RAI14: variants seen among roughly 807,000 people sequenced by gnomAD.
RAI14 encodes retinoic acid induced 14.
A neutral mutation model predicts 115.4 loss-of-function variants in RAI14; 45 were observed. That is an observed-to-expected ratio of 0.39 (90% CI 0.31 to 0.50). The LOEUF is 0.50. RAI14 is among the 20% of genes least tolerant of loss of function. The pLI is 0.85. For missense variants in RAI14, 939 were observed against 1,131.2 expected, an observed-to-expected ratio of 0.83 and a Z score of 2.44; for synonymous variants, 371 against 415.4, an observed-to-expected ratio of 0.89 and a Z score of 1.30.
intron 2 of RAI14, among the ~76,000 whole-genome samples, chr5:34,723,619 C>T (rs976847031): frequency 1.3e-5 from 2 of 152,094 alleles, no homozygotes; most frequent in East Asian, 1.9e-4. Flanking sequence ...CATTAACCGT[C>T]GCATAGTGGA....
At chr5:34,705,333 G>C (rs1156586133) in intron 2 of RAI14, among the ~76,000 whole-genome samples, 1 of 151,820 alleles carries the variant, frequency 6.6e-6, no homozygotes, top group Non-Finnish European at 1.5e-5. Context: ...CCCAATAAGA[G>C]TTTTCATGGT....
intron 2 of RAI14, among the ~76,000 whole-genome samples, chr5:34,692,720 C>A (rs956221110): frequency 6.6e-6 from 1 of 151,856 alleles, no homozygotes; most frequent in Non-Finnish European, 1.5e-5. Context: ...AAATTTGTGC[C>A]GTGCTACGTG....
At chr5:34,751,454 C>T (rs1389119016) in intron 2 of RAI14, among the ~76,000 whole-genome samples, 1 of 152,144 alleles carries the variant, frequency 6.6e-6, no homozygotes, top group Admixed American at 6.5e-5. Flanking sequence ...ATAATTTTAT[C>T]ATCTGTATAT....
At chr5:34,778,158 T>A (rs1425581816) in intron 3 of RAI14, among the ~76,000 whole-genome samples, 3 of 152,248 alleles carry the variant, frequency 2.0e-5, no homozygotes, top group African/African-American at 4.8e-5. Flanking sequence ...TTTAAACATA[T>A]TTTTAAAAGG....
At chr5:34,782,984 A>G (rs1751848604) in intron 3 of RAI14, among the ~76,000 whole-genome samples, 1 of 152,204 alleles carries the variant, frequency 6.6e-6, no homozygotes, top group Admixed American at 6.5e-5. Flanking sequence ...TTTTGAGGGT[A>G]GTATGCCTCA....
At chr5:34,657,459 G>C (rs987330598) in intron 1 of RAI14, among the ~76,000 whole-genome samples, 2 of 152,192 alleles carry the variant, frequency 1.3e-5, no homozygotes, top group South Asian at 4.1e-4. Context: ...GTGGCCTCAC[G>C]GGGGCCTGAG....
rs1161948578 is a variant in RAI14, at chr5:34,773,595, A to G, written c.167+15997A>G. Among the ~76,000 whole-genome samples, 7 of 152,326 alleles carry G rather than the reference A, an allele frequency of 4.6e-5. No individual in the cohort carries two copies. In the East Asian group the frequency reaches 1.2e-3, roughly 25 times the overall value. The stretch of plus-strand genomic sequence containing the variant: ...AATCCCATTAAAAAGTGGGCTAAGG[A>G]CATGAATAGATATTTCTCAAAAAAA... On this transcript the variant is annotated intron_variant, in intron 3 of 17. Transcript: ENST00000265109.
intron 3 of RAI14, among the ~76,000 whole-genome samples, chr5:34,778,581 A>C (rs1462552220): frequency 6.6e-6 from 1 of 151,902 alleles, no homozygotes; most frequent in Non-Finnish European, 1.5e-5. Flanking sequence ...ATGTTTTTAT[A>C]CTCTTCGCAT....
At chr5:34,776,139 G>C (rs1750807644) in intron 3 of RAI14, among the ~76,000 whole-genome samples, 1 of 152,122 alleles carries the variant, frequency 6.6e-6, no homozygotes, top group Non-Finnish European at 1.5e-5. Context: ...TGGAACTGGA[G>C]GTCATTATGT....
intron 2 of RAI14, among the ~76,000 whole-genome samples, chr5:34,735,462 T>C (rs1314709347): frequency 6.6e-6 from 1 of 152,242 alleles, no homozygotes; most frequent in Non-Finnish European, 1.5e-5. Flanking sequence ...TTAAAGTCTC[T>C]GTACGTAAAA....
chr5:34,764,138 ACT>A (rs1283314885), intron 3 of RAI14, among the ~76,000 whole-genome samples: 1 of 152,216 alleles, frequency 6.6e-6, no homozygotes, highest in Non-Finnish European at 1.5e-5. Flanking sequence ...GGCGTGAGCC[ACT>A]GCACCCGGCA....
intron 3 of RAI14, among the ~76,000 whole-genome samples, chr5:34,763,878 A>G (rs1749001516): frequency 6.6e-6 from 1 of 152,162 alleles, no homozygotes. Context: ...TGGTTTTTTG[A>G]GACGGAGTCT....
chr5:34,719,063 C>T (rs1352108106), intron 2 of RAI14, among the ~76,000 whole-genome samples: 82 of 152,174 alleles, frequency 5.4e-4, no homozygotes, highest in Non-Finnish European at 4.4e-5. Flanking sequence ...ATCTTTATTA[C>T]ACTCACCAAT....
intron 2 of RAI14, chr5:34,688,344 T>A (rs1738128539): frequency 8.0e-7 from 1 of 1,245,886 alleles, no homozygotes; most frequent in African/African-American, 1.5e-5. Flanking sequence ...CAAGGGAATC[T>A]AGGTAGCTTT....
At chr5:34,702,238 C>T (rs1740169518) in intron 2 of RAI14, among the ~76,000 whole-genome samples, 1 of 152,216 alleles carries the variant, frequency 6.6e-6, no homozygotes, top group Non-Finnish European at 1.5e-5. Context: ...GGAAGAAATT[C>T]TCCAGAATGG....
chr5:34,758,326 AGAC>A (rs1748170428), intron 3 of RAI14, among the ~76,000 whole-genome samples: 1 of 152,232 alleles, frequency 6.6e-6, no homozygotes, highest in Non-Finnish European at 1.5e-5. Flanking sequence ...GCAGGCTCTG[AGAC>A]AAGGATTTAA....
chr5:34,732,917 A>G (rs1354320369), intron 2 of RAI14, among the ~76,000 whole-genome samples: 1 of 151,992 alleles, frequency 6.6e-6, no homozygotes, highest in South Asian at 2.1e-4. Flanking sequence ...AAGGCAAACT[A>G]TTCCTGACTT....
chr5:34,723,815 A>G (rs1424667455), intron 2 of RAI14, among the ~76,000 whole-genome samples: 1 of 152,220 alleles, frequency 6.6e-6, no homozygotes, highest in Non-Finnish European at 1.5e-5. Flanking sequence ...TAATATACTC[A>G]TCACCCATAA....
chr5:34,745,363 T>C (rs1412063673), intron 2 of RAI14, among the ~76,000 whole-genome samples: 1 of 152,184 alleles, frequency 6.6e-6, no homozygotes, highest in Non-Finnish European at 1.5e-5. Flanking sequence ...GCCACCCTCA[T>C]CTCATGCTTT....
Sources: gnomAD v4.1 joint callset for allele counts (sites outside exome capture counted in the v4.1 genomes callset) on GRCh38, gnomAD v4.1.1 for gene constraint, MANE v1.5 for transcripts, NCBI Gene and HGNC (gene_info 2026-07-23, HGNC 2026-07-21) for gene names.